The following MBD2 variants were observed in gnomAD, a reference collection of about 807,000 sequenced individuals.
MBD2 encodes the protein methyl-CpG-binding domain protein 2.
MBD2 carries 9 observed loss-of-function variants against 39.3 expected under a neutral mutation model. The observed-to-expected ratio is 0.23, with a 90% CI of 0.14 to 0.40. The LOEUF is 0.40. Ranked by LOEUF, MBD2 falls within the 10% of genes least tolerant of loss-of-function variation. MBD2 has a pLI of 1.00. For missense variants in MBD2, 458 were observed against 532.6 expected, an observed-to-expected ratio of 0.86 and a Z score of 1.38; for synonymous variants, 233 against 211.1, an observed-to-expected ratio of 1.10 and a Z score of -0.90.
chr18:54,192,756 G>C (rs609791), intron 2 of MBD2, among the ~76,000 whole-genome samples: 127,955 of 152,162 alleles, frequency 0.84, 54,303 homozygotes, highest in East Asian at 1. Flanking sequence ...GCATGGAACA[G>C]GTCAAACTAT....
At chr18:54,212,851 G>A (rs1160687595) in intron 1 of MBD2, among the ~76,000 whole-genome samples, 4 of 111,678 alleles carry the variant, frequency 3.6e-5, no homozygotes, top group East Asian at 2.9e-4. Context: ...CAAAAAAGGC[G>A]AAACTCAGTC....
chr18:54,180,890 A>ATTTTTTTTTTTTTTTTTTTTTT (rs1568083459), intron 3 of MBD2, among the ~76,000 whole-genome samples: 4 of 114,568 alleles, frequency 3.5e-5, no homozygotes, highest in African/African-American at 1.5e-4. Flanking sequence ...GTATTCCTTA[A>ATTTTTTTTTTTTTTTTTTTTTT]TTTTTTCTTT....
chr18:54,190,363 A>C (rs1485307932), intron 2 of MBD2, among the ~76,000 whole-genome samples: 3 of 152,096 alleles, frequency 2.0e-5, no homozygotes, highest in African/African-American at 7.2e-5. Flanking sequence ...CATCCCAGTG[A>C]TAAGTGCACT....
intron 1 of MBD2, among the ~76,000 whole-genome samples, chr18:54,218,230 A>G (rs548594876): frequency 6.6e-6 from 1 of 152,344 alleles, no homozygotes; most frequent in South Asian, 2.1e-4. Flanking sequence ...ATATTTCTGA[A>G]CAAATTGATC....
At chr18:54,195,856 T>TAA (rs1325429141) in intron 2 of MBD2, among the ~76,000 whole-genome samples, 1 of 152,184 alleles carries the variant, frequency 6.6e-6, no homozygotes, top group Non-Finnish European at 1.5e-5. Context: ...TTTAACCTGT[T>TAA]AAGTTTTCCC....
intron 1 of MBD2, among the ~76,000 whole-genome samples, chr18:54,205,878 CA>C: frequency 6.6e-6 from 1 of 151,768 alleles, no homozygotes; most frequent in East Asian, 1.9e-4. Flanking sequence ...ACTACATATA[CA>C]ACTACGCCAG....
At chr18:54,218,559 T>C (rs771392326) in intron 1 of MBD2, among the ~76,000 whole-genome samples, 1 of 152,158 alleles carries the variant, frequency 6.6e-6, no homozygotes, top group Non-Finnish European at 1.5e-5. Context: ...CAGCTTCAGG[T>C]TGTATCTTTG....
chr18:54,173,602 GATCTATGCAATACA>G (rs2144292705), intron 3 of MBD2, among the ~76,000 whole-genome samples: 1 of 152,320 alleles, frequency 6.6e-6, no homozygotes, highest in African/African-American at 2.4e-5. Flanking sequence ...GTTCTGGCCA[GATCTATGCAATACA>G]ATCTATGCAA....
chr18:54,200,495 A>T lies in MBD2; in HGVS notation c.702+4503T>A, dbSNP rs978238179. On this transcript the variant is annotated intron_variant, in intron 2 of 6. Transcript: ENST00000256429. ...CATATCTTGCACTTAGAATCACTGT[A>T]CTCTTCTTTATCCAATCCTAGAGTG... Among the ~76,000 whole-genome samples the T allele has an allele frequency of 3.3e-5, 5 of 152,110 alleles. No individual in the cohort carries two copies. The South Asian group carries it at 1.0e-3, about 32-fold the overall frequency.
chr18:54,162,837 T>A (rs1460641924), intron 5 of MBD2, among the ~76,000 whole-genome samples: 2 of 152,240 alleles, frequency 1.3e-5, no homozygotes, highest in East Asian at 1.9e-4. Context: ...GGCATATGAA[T>A]ACAACTTTGC....
At chr18:54,179,753 C>CA (rs1202397697) in intron 3 of MBD2, among the ~76,000 whole-genome samples, 111 of 151,946 alleles carry the variant, frequency 7.3e-4, no homozygotes, top group Non-Finnish European at 6.9e-4. Flanking sequence ...AGAATATTTA[C>CA]AAAAAAGCCT....
At chr18:54,155,687 T>A (rs2086047245) in intron 6 of MBD2, among the ~76,000 whole-genome samples, 1 of 152,226 alleles carries the variant, frequency 6.6e-6, no homozygotes, top group Admixed American at 6.5e-5. Flanking sequence ...TGAGAAAATG[T>A]AGAAAAATTT....
chr18:54,211,725 A>C (rs2086509357), intron 1 of MBD2, among the ~76,000 whole-genome samples: 1 of 152,064 alleles, frequency 6.6e-6, no homozygotes, highest in Non-Finnish European at 1.5e-5. Context: ...TGCATTCTAC[A>C]CTATCCACAT....
At chr18:54,222,669 G>A (rs906203205) in intron 1 of MBD2, among the ~76,000 whole-genome samples, 1 of 152,178 alleles carries the variant, frequency 6.6e-6, no homozygotes, top group African/African-American at 2.4e-5. Context: ...GTTTCAAGAT[G>A]AGGGTCCAGA....
At chr18:54,220,790 C>A (rs758947082) in intron 1 of MBD2, among the ~76,000 whole-genome samples, 4 of 152,234 alleles carry the variant, frequency 2.6e-5, no homozygotes, top group Non-Finnish European at 4.4e-5. Context: ...TGACTGCCAT[C>A]ATTCATCACA....
At chr18:54,200,641 A>G (rs891043031) in intron 2 of MBD2, among the ~76,000 whole-genome samples, 1 of 152,182 alleles carries the variant, frequency 6.6e-6, no homozygotes, top group South Asian at 2.1e-4. Context: ...ATAAATCCCT[A>G]AACAATATTT....
intron 4 of MBD2, among the ~76,000 whole-genome samples, chr18:54,164,966 A>T (rs2086120839): frequency 6.6e-6 from 1 of 152,256 alleles, no homozygotes; most frequent in Non-Finnish European, 1.5e-5. Context: ...CTTATAGCTG[A>T]GCATTTTAAT....
intron 3 of MBD2, among the ~76,000 whole-genome samples, chr18:54,176,716 C>A (rs1184431565): frequency 1.3e-5 from 2 of 152,156 alleles, no homozygotes; most frequent in African/African-American, 4.8e-5. Context: ...ACTTAAATAC[C>A]ATGGCCTGCA....
At chr18:54,190,670 TAA>T (rs2086314283) in intron 2 of MBD2, among the ~76,000 whole-genome samples, 1 of 152,232 alleles carries the variant, frequency 6.6e-6, no homozygotes, top group Non-Finnish European at 1.5e-5. Context: ...CACAGGAACT[TAA>T]TTTTTGTTTA....
Sources: gnomAD v4.1 joint callset for allele counts (sites outside exome capture counted in the v4.1 genomes callset) on GRCh38, gnomAD v4.1.1 for gene constraint, MANE v1.5 for transcripts, NCBI Gene and HGNC (gene_info 2026-07-23, HGNC 2026-07-21) for gene names.